The following MAMLD1 variants were observed in gnomAD, a reference collection of about 807,000 sequenced individuals.
The protein encoded by MAMLD1 is mastermind-like domain-containing protein 1.
MAMLD1 carries 14 observed loss-of-function variants against 45.0 expected under a neutral mutation model. The ratio of observed to expected loss-of-function variants is 0.31; its 90% CI spans 0.21 to 0.49. The LOEUF is 0.49. Among genes scored for constraint, MAMLD1 ranks in the 20% least tolerant of loss-of-function variants. MAMLD1 has a pLI of 0.99. For missense variants in MAMLD1, 543 were observed against 603.6 expected (o/e 0.90, Z 1.05); for synonymous variants, 254 against 247.8 (o/e 1.02, Z -0.24).
intron 1 of MAMLD1, among the ~76,000 whole-genome samples, chrX:150,389,732 A>G (rs1557402126): frequency 8.9e-6 from 1 of 112,030 alleles, no homozygotes; most frequent in Admixed American, 9.4e-5. Context: ...TGGAGTGCTG[A>G]AGTACCCAGC....
intron 2 of MAMLD1, among the ~76,000 whole-genome samples, chrX:150,453,932 C>G (rs1350360791): frequency 1.8e-5 from 2 of 112,468 alleles, no homozygotes; most frequent in Non-Finnish European, 3.8e-5. Flanking sequence ...ACACTCTTAA[C>G]TTGTTCTTGT....
At chrX:150,507,183 G>A (rs1453193419) in intron 6 of MAMLD1, among the ~76,000 whole-genome samples, 1 of 112,194 alleles carries the variant, frequency 8.9e-6, no homozygotes, top group African/African-American at 3.2e-5. Flanking sequence ...AAGGCCACAC[G>A]GCCTAGGCTG....
At position 150,471,354 on chromosome X, in the gene MAMLD1, T is replaced by TGCAGCTGCAGCAGCAGCAGCA. The variant is rs782656318; in HGVS notation, c.1785_1805dup (p.Leu596_Gln602dup). On this transcript the variant is annotated inframe_insertion, in exon 4 of 8. Coordinates refer to ENST00000370401, the MANE Select transcript of MAMLD1 (RefSeq NM_005491.5). ...GCCTCCTCCACGGCCACTGCCACCT[T>TGCAGCTGCAGCAGCAGCAGCA]GCAGCTGCAGCAGCAGCAGCAGCAA... is the stretch of plus-strand genomic sequence containing the variant. 5.0e-6 allele frequency: 6 copies of TGCAGCTGCAGCAGCAGCAGCA among 1,205,677 alleles called. No homozygotes were observed. Among genetic ancestry groups the TGCAGCTGCAGCAGCAGCAGCA allele is most frequent in the Non-Finnish European group, 6.7e-6 (6 of 892,551 alleles).
At chrX:150,377,143 C>T (rs1205160455) in intron 1 of MAMLD1, among the ~76,000 whole-genome samples, 2 of 113,373 alleles carry the variant, frequency 1.8e-5, no homozygotes, top group Non-Finnish European at 3.7e-5. Context: ...TAGTTCCCAG[C>T]CATCCACTCC....
At chrX:150,382,889 TTTTTTTTTTTTA>T (rs2032704508) in intron 1 of MAMLD1, among the ~76,000 whole-genome samples, 1 of 32,875 alleles carries the variant, frequency 3.0e-5, no homozygotes, top group Admixed American at 2.8e-4. Flanking sequence ...TATTTTATTT[TTTTTTTTTTTTA>T]TTTTTTATTT....
chrX:150,382,891 T>TTA (rs2032706008), intron 1 of MAMLD1, among the ~76,000 whole-genome samples: 1 of 33,370 alleles, frequency 3.0e-5, no homozygotes, highest in Non-Finnish European at 4.9e-5. Context: ...TTTTATTTTT[T>TTA]TTTTTTTTTA....
chrX:150,480,805 G>A, intron 5 of MAMLD1, among the ~76,000 whole-genome samples: 1 of 111,913 alleles, frequency 8.9e-6, no homozygotes, highest in East Asian at 2.8e-4. Context: ...ATATAGTCCT[G>A]GGCTAAAGGT....
chrX:150,510,475 A>G (rs1215225485), intron 7 of MAMLD1, among the ~76,000 whole-genome samples: 2 of 111,815 alleles, frequency 1.8e-5, no homozygotes, highest in Non-Finnish European at 3.8e-5. Context: ...GGAATGGAAA[A>G]GGGGTTGGGG....
At chrX:150,415,032 A>G (rs948127655) in intron 1 of MAMLD1, among the ~76,000 whole-genome samples, 1 of 112,003 alleles carries the variant, frequency 8.9e-6, no homozygotes, top group African/African-American at 3.3e-5. Context: ...ACTTGAACCC[A>G]GGGCTCCCAG....
chrX:150,387,724 A>AT (rs1290391603), intron 1 of MAMLD1, among the ~76,000 whole-genome samples: 32 of 111,025 alleles, frequency 2.9e-4, no homozygotes, highest in Non-Finnish European at 4.5e-4. Context: ...GCTTTCTGAG[A>AT]TTTTTTTTAT....
At chrX:150,394,029 T>A (rs1037584189) in intron 1 of MAMLD1, among the ~76,000 whole-genome samples, 1 of 110,388 alleles carries the variant, frequency 9.1e-6, no homozygotes, top group African/African-American at 3.3e-5. Flanking sequence ...TTTTTTCTTA[T>A]GTTATGCTCC....
chrX:150,456,942 T>C (rs17252914), intron 2 of MAMLD1, among the ~76,000 whole-genome samples: 1 of 112,079 alleles, frequency 8.9e-6, no homozygotes. Flanking sequence ...CCATGCTAGA[T>C]GGTACATTCC....
intron 5 of MAMLD1, among the ~76,000 whole-genome samples, chrX:150,478,603 C>G (rs1419398999): frequency 8.9e-6 from 1 of 112,303 alleles, no homozygotes; most frequent in Non-Finnish European, 1.9e-5. Flanking sequence ...ACAGAAGCCT[C>G]TAGAGGAATC....
chrX:150,384,118 T>C (rs1026163524), intron 1 of MAMLD1, among the ~76,000 whole-genome samples: 8 of 112,155 alleles, frequency 7.1e-5, no homozygotes, highest in Non-Finnish European at 1.3e-4. Flanking sequence ...TCATTTCTCT[T>C]GGGCATATAC....
intron 2 of MAMLD1, among the ~76,000 whole-genome samples, chrX:150,455,076 A>G (rs1557405267): frequency 9.1e-6 from 1 of 109,940 alleles, no homozygotes; most frequent in African/African-American, 3.4e-5. Context: ...ATACACACAT[A>G]CAGTGAAATA....
At chrX:150,499,854 G>T (rs2037498673) in intron 5 of MAMLD1, among the ~76,000 whole-genome samples, 1 of 111,428 alleles carries the variant, frequency 9.0e-6, no homozygotes, top group Non-Finnish European at 1.9e-5. Flanking sequence ...TTCTACTGAT[G>T]GGTTTTATAA....
chrX:150,429,599 A>C (rs2034846256), intron 1 of MAMLD1, among the ~76,000 whole-genome samples: 1 of 111,367 alleles, frequency 9.0e-6, no homozygotes, highest in African/African-American at 3.3e-5. Context: ...TCCGTATAAA[A>C]ATTTTAAAAA....
intron 6 of MAMLD1, chrX:150,504,510 A>G (rs782423473): frequency 5.0e-6 from 3 of 604,045 alleles, no homozygotes; most frequent in Non-Finnish European, 4.0e-6. Context: ...TCTCTCTCAG[A>G]GTCACAGAGC....
intron 1 of MAMLD1, chrX:150,420,917 T>C (rs782548696): frequency 8.9e-6 from 1 of 112,709 alleles, no homozygotes; most frequent in Non-Finnish European, 1.9e-5. Flanking sequence ...CCCCCAGAGG[T>C]GGAGCCTACA....
Sources: allele counts gnomAD v4.1 joint callset (sites outside exome capture counted in the v4.1 genomes callset), GRCh38; gene constraint gnomAD v4.1.1; transcripts MANE v1.5; gene names NCBI Gene and HGNC (gene_info 2026-07-23, HGNC 2026-07-21).